CDH18: variants seen among roughly 807,000 people sequenced by gnomAD.
CDH18 encodes cadherin-18.
Under a neutral mutation model 67.9 loss-of-function variants are expected in CDH18, and 31 were observed. The observed-to-expected ratio is 0.46, with a 90% confidence interval of 0.34 to 0.62. The LOEUF (loss-of-function observed/expected upper bound fraction) is 0.62. Ranked by LOEUF, CDH18 falls within the 20% of genes least tolerant of loss-of-function variation. The probability of loss-of-function intolerance (pLI) is 0.01; values close to 1 mark genes in which losing one functional copy is unlikely to be tolerated. For synonymous variants in CDH18, 362 were observed against 347.2 expected (o/e 1.04, Z -0.48); for missense variants, 890 against 975.5 (o/e 0.91, Z 1.17).
rs182912857 is a variant in CDH18, at chr5:19,881,887, T to C, written c.-256-42645A>G. Among the ~76,000 whole-genome samples, 34 of 152,258 alleles carry C rather than the reference T, an allele frequency of 2.2e-4. 2 individuals are homozygous for C. The highest frequency in any genetic ancestry group is 1.9e-3 in the Admixed American group (29 of 15,284). On this transcript the variant is annotated intron_variant, in intron 2 of 12. Coordinates refer to ENST00000382275, the MANE Select transcript of CDH18 (RefSeq NM_004934.5). The stretch of plus-strand genomic sequence containing the variant: ...AATTACATCTTATACATGTTCATTC[T>C]GTATTCTATTATAACCATGTTGAAC...
chr5:19,947,338 C>G (rs533235216), intron 2 of CDH18, among the ~76,000 whole-genome samples: 4 of 151,780 alleles, frequency 2.6e-5, no homozygotes, highest in African/African-American at 9.7e-5. Context: ...ATCAAAGGCT[C>G]AAATGTAATT....
intron 1 of CDH18, among the ~76,000 whole-genome samples, chr5:20,420,270 C>A (rs1747760194): frequency 1.3e-5 from 2 of 151,214 alleles, no homozygotes; most frequent in Non-Finnish European, 2.9e-5. Flanking sequence ...ATCTCAGAAG[C>A]TTCTTTACAA....
intron 3 of CDH18, among the ~76,000 whole-genome samples, chr5:19,818,889 GCTA>G (rs973057710): frequency 1.1e-4 from 16 of 152,192 alleles, no homozygotes; most frequent in African/African-American, 3.6e-4. Context: ...TACTAAATTT[GCTA>G]CTATTATTTT....
chr5:19,815,319 A>G (rs1220259995), intron 3 of CDH18, among the ~76,000 whole-genome samples: 1 of 151,996 alleles, frequency 6.6e-6, no homozygotes, highest in Non-Finnish European at 1.5e-5. Flanking sequence ...TTGATATAAA[A>G]GCTTTCCCAT....
intron 2 of CDH18, among the ~76,000 whole-genome samples, chr5:20,120,450 G>T (rs1281868953): frequency 1.3e-5 from 2 of 151,988 alleles, no homozygotes; most frequent in East Asian, 3.9e-4. Context: ...GGGCACAGCG[G>T]GATTCAAGTA....
At chr5:20,306,271 G>A (rs1160380489) in intron 1 of CDH18, among the ~76,000 whole-genome samples, 1 of 151,752 alleles carries the variant, frequency 6.6e-6, no homozygotes, top group East Asian at 1.9e-4. Flanking sequence ...TCTTCTATGA[G>A]ATCACAGTCC....
At chr5:19,855,134 G>A (rs913525313) in intron 2 of CDH18, among the ~76,000 whole-genome samples, 3 of 152,090 alleles carry the variant, frequency 2.0e-5, no homozygotes, top group South Asian at 2.1e-4. Context: ...AGGACTGAAC[G>A]TACCATTCAT....
intron 1 of CDH18, among the ~76,000 whole-genome samples, chr5:20,359,113 T>C (rs985247234): frequency 1.3e-5 from 2 of 151,966 alleles, no homozygotes; most frequent in Non-Finnish European, 2.9e-5. Context: ...GTATTTTTAG[T>C]AGAGAAGTGC....
intron 2 of CDH18, among the ~76,000 whole-genome samples, chr5:19,877,047 C>T (rs771719283): frequency 1.6e-4 from 24 of 152,074 alleles, no homozygotes; most frequent in African/African-American, 5.8e-4. Context: ...AAGAATGAAT[C>T]CCCCAATGAC....
chr5:19,702,779 C>A (rs1317745700), intron 5 of CDH18, among the ~76,000 whole-genome samples: 1 of 152,024 alleles, frequency 6.6e-6, no homozygotes, highest in African/African-American at 2.4e-5. Context: ...AAAATCTCTG[C>A]AGCACTGTGA....
chr5:19,765,337 G>C (rs1422115008), intron 3 of CDH18, among the ~76,000 whole-genome samples: 2 of 151,722 alleles, frequency 1.3e-5, no homozygotes, highest in Non-Finnish European at 1.5e-5. Context: ...ACTTTCCCTT[G>C]AGGGAAAATT....
intron 2 of CDH18, among the ~76,000 whole-genome samples, chr5:19,973,247 C>T (rs1296104317): frequency 2.0e-5 from 3 of 152,020 alleles, no homozygotes; most frequent in Non-Finnish European, 4.4e-5. Flanking sequence ...GCAAATGCCA[C>T]ATATAATGTT....
intron 1 of CDH18, among the ~76,000 whole-genome samples, chr5:20,336,266 C>T (rs538433129): frequency 1.3e-5 from 2 of 152,116 alleles, no homozygotes; most frequent in South Asian, 2.1e-4. Flanking sequence ...TTAGGATCAC[C>T]ACTCCAGAGG....
At chr5:20,061,871 T>A (rs1239173439) in intron 2 of CDH18, among the ~76,000 whole-genome samples, 3 of 152,196 alleles carry the variant, frequency 2.0e-5, no homozygotes, top group Admixed American at 2.0e-4. Context: ...CAGAAAAGCA[T>A]CTTAGAGATC....
At chr5:20,301,092 C>CT in intron 1 of CDH18, among the ~76,000 whole-genome samples, 1 of 152,162 alleles carries the variant, frequency 6.6e-6, no homozygotes, top group Admixed American at 6.5e-5. Context: ...TCTATTGTGT[C>CT]TTTTTTTCAA....
At chr5:19,867,946 A>G (rs1785765507) in intron 2 of CDH18, among the ~76,000 whole-genome samples, 1 of 152,142 alleles carries the variant, frequency 6.6e-6, no homozygotes, top group Non-Finnish European at 1.5e-5. Flanking sequence ...GTGAGTTCTC[A>G]GGAGATCTGA....
At chr5:19,802,009 G>C (rs1777526619) in intron 3 of CDH18, among the ~76,000 whole-genome samples, 1 of 151,362 alleles carries the variant, frequency 6.6e-6, no homozygotes, top group Admixed American at 6.6e-5. Flanking sequence ...CTAATAACAG[G>C]GTTCAAAGAA....
chr5:19,956,396 C>G (rs181435930), intron 2 of CDH18, among the ~76,000 whole-genome samples: 92 of 151,996 alleles, frequency 6.1e-4, no homozygotes, highest in African/African-American at 2.1e-3. Flanking sequence ...GATTACCTTT[C>G]TTAGGCTAAA....
In CDH18 at chr5:19,499,570, CAT is replaced by C. The variant is rs1491102964; in HGVS notation, c.1630+3420_1630+3421del. Among the ~76,000 whole-genome samples the C allele has an allele frequency of 1.1e-4, 17 of 151,892 alleles. No homozygotes were observed. In the South Asian group the frequency reaches 2.5e-3, roughly 22 times the overall value. On this transcript the variant is annotated intron_variant, in intron 11 of 12. Transcript: ENST00000382275. ...GACATGAATTTTCTAATTTTTTATA[CAT>C]ATTTCTTTTACTGTTGCCTCATTTT...
Sources: gnomAD v4.1 joint callset for allele counts (sites outside exome capture counted in the v4.1 genomes callset) on GRCh38, gnomAD v4.1.1 for gene constraint, MANE v1.5 for transcripts, NCBI Gene and HGNC (gene_info 2026-07-23, HGNC 2026-07-21) for gene names.